The following SYT9 variants were observed in gnomAD, a reference collection of about 807,000 sequenced individuals.
The protein encoded by SYT9 is synaptotagmin 9.
In SYT9, 22 loss-of-function variants were observed where a neutral mutation model predicts 48.4. The ratio of observed to expected loss-of-function variants is 0.45; its 90% CI spans 0.32 to 0.65. The LOEUF (loss-of-function observed/expected upper bound fraction) is 0.65. Among genes scored for constraint, SYT9 ranks in the 30% least tolerant of loss-of-function variants. The pLI is 0.03. For synonymous variants in SYT9, 265 were observed against 245.0 expected (o/e 1.08, Z -0.76); for missense variants, 577 against 622.0 (o/e 0.93, Z 0.77).
intron 3 of SYT9, among the ~76,000 whole-genome samples, chr11:7,385,601 A>G (rs1214678195): frequency 6.6e-6 from 1 of 152,124 alleles, no homozygotes; most frequent in Non-Finnish European, 1.5e-5. Flanking sequence ...TCCCCATGAT[A>G]CACAATTTAC....
At chr11:7,368,479 A>G (rs901079887) in intron 3 of SYT9, among the ~76,000 whole-genome samples, 40 of 151,898 alleles carry the variant, frequency 2.6e-4, no homozygotes, top group Admixed American at 3.3e-4. Flanking sequence ...TAAGCCCCAC[A>G]TGCATTAGGT....
chr11:7,348,747 T>C (rs994688382), intron 3 of SYT9, among the ~76,000 whole-genome samples: 1 of 148,440 alleles, frequency 6.7e-6, no homozygotes, highest in African/African-American at 2.5e-5. Context: ...GGGTGGATTT[T>C]AGGAATTGAG....
intron 1 of SYT9, among the ~76,000 whole-genome samples, chr11:7,299,462 G>C (rs528710729): frequency 6.6e-6 from 1 of 152,196 alleles, no homozygotes; most frequent in East Asian, 1.9e-4. Context: ...CTGGACCACT[G>C]CTAACTCACA....
intron 5 of SYT9, among the ~76,000 whole-genome samples, chr11:7,419,820 C>T (rs879436503): frequency 3.3e-5 from 5 of 152,052 alleles, no homozygotes; most frequent in East Asian, 3.9e-4. Flanking sequence ...TGCTTGAACC[C>T]GGGAGCTGGA....
chr11:7,375,143 C>T (rs1377464371), intron 3 of SYT9, among the ~76,000 whole-genome samples: 2 of 152,130 alleles, frequency 1.3e-5, no homozygotes, highest in African/African-American at 4.8e-5. Flanking sequence ...ATATGGCTAG[C>T]CAGTTTTGCC....
At chr11:7,385,414 A>G (rs1850640220) in intron 3 of SYT9, among the ~76,000 whole-genome samples, 1 of 151,958 alleles carries the variant, frequency 6.6e-6, no homozygotes, top group Non-Finnish European at 1.5e-5. Flanking sequence ...TCTGTCAGAC[A>G]TTTAAGTCTC....
intron 1 of SYT9, among the ~76,000 whole-genome samples, chr11:7,267,959 A>G (rs552081760): frequency 2.7e-4 from 41 of 152,172 alleles, no homozygotes; most frequent in East Asian, 1.5e-3. Context: ...ATACATGCCA[A>G]TGATGTAGAA....
chr11:7,408,181 T>A (rs902542110), intron 3 of SYT9, among the ~76,000 whole-genome samples: 2 of 152,194 alleles, frequency 1.3e-5, no homozygotes. Context: ...CAGGCTGGAG[T>A]GCAATGGCAT....
At chr11:7,394,936 A>G (rs1846719104) in intron 3 of SYT9, among the ~76,000 whole-genome samples, 1 of 152,146 alleles carries the variant, frequency 6.6e-6, no homozygotes, top group Non-Finnish European at 1.5e-5. Context: ...TGTTTACCCA[A>G]AAGACATTCA....
intron 1 of SYT9, among the ~76,000 whole-genome samples, chr11:7,286,745 C>A (rs1430547048): frequency 1.3e-5 from 2 of 152,202 alleles, no homozygotes; most frequent in Non-Finnish European, 2.9e-5. Context: ...CTTTCTGGGG[C>A]AGGGGCAAAA....
At chr11:7,429,381 C>T (rs1292910807) in intron 6 of SYT9, among the ~76,000 whole-genome samples, 1 of 152,192 alleles carries the variant, frequency 6.6e-6, no homozygotes, top group Admixed American at 6.5e-5. Flanking sequence ...CTGGGAGCAG[C>T]TGTGGCTTCT....
intron 1 of SYT9, among the ~76,000 whole-genome samples, chr11:7,254,400 C>T (rs745984429): frequency 2.0e-5 from 3 of 152,152 alleles, no homozygotes; most frequent in African/African-American, 4.8e-5. Flanking sequence ...CAGGACACTT[C>T]TCCCTTCATT....
Position 7,303,253 on chromosome 11 carries a change from G to A in SYT9, c.360G>A (p.Thr120=), listed in dbSNP as rs1036974555. The change falls in exon 2 of 7, where the codon ACG becomes ACA. Residue 120 remains threonine (T), a synonymous_variant. Transcript: ENST00000318881. ...ENSEDFLDPP[T]PCPDSSMKIS... ...GTGAGGACTTCCTAGATCCTCCCAC[G>A]CCCTGCCCTGACTCCTCCATGAAGA... is the stretch of plus-strand genomic sequence containing the variant. 21 of 1,613,894 alleles carry A rather than the reference G, an allele frequency of 1.3e-5. No homozygotes were observed. The highest frequency in any genetic ancestry group is 1.6e-4 in the Middle Eastern group (1 of 6,062).
At chr11:7,430,616 A>G (rs1455056521) in intron 6 of SYT9, among the ~76,000 whole-genome samples, 5 of 152,174 alleles carry the variant, frequency 3.3e-5, no homozygotes, top group African/African-American at 4.8e-5. Flanking sequence ...GTAATCCCCA[A>G]TGTTGGAGGT....
At chr11:7,273,450 A>G (rs1482567991) in intron 1 of SYT9, among the ~76,000 whole-genome samples, 1 of 152,182 alleles carries the variant, frequency 6.6e-6, no homozygotes, top group Non-Finnish European at 1.5e-5. Context: ...CAAGAGAGCA[A>G]AGTTTAAGAA....
chr11:7,352,677 C>T (rs538552971), intron 3 of SYT9, among the ~76,000 whole-genome samples: 1 of 152,282 alleles, frequency 6.6e-6, no homozygotes, highest in East Asian at 1.9e-4. Flanking sequence ...ATGACATGTG[C>T]TCCCCTGCAC....
chr11:7,445,462 C>A (rs1230462609), intron 6 of SYT9, among the ~76,000 whole-genome samples: 1 of 152,048 alleles, frequency 6.6e-6, no homozygotes, highest in Non-Finnish European at 1.5e-5. Context: ...TGACTGCAGT[C>A]CCCCTCTGTA....
chr11:7,239,756 A>T (rs942660481), intron 1 of SYT9, among the ~76,000 whole-genome samples: 19 of 152,296 alleles, frequency 1.2e-4, no homozygotes, highest in African/African-American at 4.1e-4. Context: ...TTGCTGGTGG[A>T]TTGGATTAGG....
intron 1 of SYT9, among the ~76,000 whole-genome samples, chr11:7,245,386 A>G (rs1271386559): frequency 6.6e-6 from 1 of 151,606 alleles, no homozygotes; most frequent in African/African-American, 2.4e-5. Context: ...GACTTCAAAG[A>G]TCTTTTTCCA....
Sources: gnomAD v4.1 joint callset for allele counts (sites outside exome capture counted in the v4.1 genomes callset) on GRCh38, gnomAD v4.1.1 for gene constraint, MANE v1.5 for transcripts, NCBI Gene and HGNC (gene_info 2026-07-23, HGNC 2026-07-21) for gene names.